Variants in LHFPL3 observed in about 807,000 individuals in gnomAD.
The protein encoded by LHFPL3 is LHFPL tetraspan subfamily member 3.
In LHFPL3, 5 loss-of-function variants were observed where a neutral mutation model predicts 19.3. The observed-to-expected ratio is 0.26, with a 90% confidence interval of 0.14 to 0.54. The LOEUF (loss-of-function observed/expected upper bound fraction) is 0.54, where lower values mean the gene tolerates loss of function less well. LHFPL3 is among the 20% of genes least tolerant of loss of function. The probability of loss-of-function intolerance (pLI) is 0.94; values close to 1 mark genes in which losing one functional copy is unlikely to be tolerated. For missense variants in LHFPL3, 249 were observed against 307.4 expected (o/e 0.81, Z 1.42); for synonymous variants, 133 against 126.2 (o/e 1.05, Z -0.36).
In LHFPL3 at chr7:104,498,769, C is replaced by T. The variant is rs111454947; in HGVS notation, c.445+169545C>T. Among the ~76,000 whole-genome samples the T allele has an allele frequency of 4.6e-5, 7 of 152,236 alleles. No individual in the cohort carries two copies. The South Asian group carries it at 8.3e-4, about 18-fold the overall frequency. On this transcript the variant is annotated intron_variant, in intron 1 of 2. Coordinates refer to ENST00000424859, the MANE Select transcript of LHFPL3 (RefSeq NM_199000.3). ...TTGGGATTATAGGTGTGAGCCACAG[C>T]GCCTAGCCAGAAACAGTTTTTAATA...
intron 1 of LHFPL3, among the ~76,000 whole-genome samples, chr7:104,343,553 C>CAAAAA (rs1790002695): frequency 3.3e-5 from 3 of 91,890 alleles, no homozygotes; most frequent in Non-Finnish European, 7.4e-5. Flanking sequence ...AAAAAAAAAG[C>CAAAAA]CAAGCTTGAA....
intron 1 of LHFPL3, among the ~76,000 whole-genome samples, chr7:104,593,111 G>A (rs552328463): frequency 6.6e-6 from 1 of 152,222 alleles, no homozygotes; most frequent in South Asian, 2.1e-4. Flanking sequence ...TGCTTCTCTA[G>A]TTGTTTTAAT....
intron 1 of LHFPL3, among the ~76,000 whole-genome samples, chr7:104,354,787 C>A (rs564914626): frequency 6.6e-6 from 1 of 152,146 alleles, no homozygotes; most frequent in African/African-American, 2.4e-5. Flanking sequence ...TGTAATTGCA[C>A]AATTTCTAGT....
chr7:104,440,423 G>T (rs967375503), intron 1 of LHFPL3, among the ~76,000 whole-genome samples: 21 of 151,494 alleles, frequency 1.4e-4, no homozygotes, highest in African/African-American at 5.1e-4. Flanking sequence ...GTGGGGTGGG[G>T]GGAGTGGGGA....
intron 2 of LHFPL3, among the ~76,000 whole-genome samples, chr7:104,860,052 C>T (rs1436475202): frequency 1.3e-5 from 2 of 152,106 alleles, no homozygotes; most frequent in Non-Finnish European, 2.9e-5. Flanking sequence ...TAAACACCTG[C>T]TTACTCACCA....
chr7:104,879,576 T>A (rs79298131), intron 2 of LHFPL3, among the ~76,000 whole-genome samples: 3 of 152,012 alleles, frequency 2.0e-5, no homozygotes, highest in Admixed American at 2.0e-4. Context: ...TTTTAAAAAA[T>A]TAGTTGGGTA....
chr7:104,591,621 T>C (rs1790725048), intron 1 of LHFPL3, among the ~76,000 whole-genome samples: 1 of 152,206 alleles, frequency 6.6e-6, no homozygotes, highest in African/African-American at 2.4e-5. Flanking sequence ...AGGAGTATCT[T>C]TGTGGCGTTC....
chr7:104,628,974 T>A (rs1048280559), intron 1 of LHFPL3, among the ~76,000 whole-genome samples: 3 of 152,204 alleles, frequency 2.0e-5, no homozygotes, highest in African/African-American at 7.2e-5. Flanking sequence ...TAACTTAAAA[T>A]GCCTTGGAAA....
At chr7:104,475,895 A>G (rs545795609) in intron 1 of LHFPL3, among the ~76,000 whole-genome samples, 34 of 152,280 alleles carry the variant, frequency 2.2e-4, no homozygotes, top group Non-Finnish European at 3.8e-4. Context: ...TTATCAAACG[A>G]TGATTTTTTT....
intron 1 of LHFPL3, among the ~76,000 whole-genome samples, chr7:104,529,268 C>A (rs1273353125): frequency 2.6e-5 from 4 of 152,164 alleles, no homozygotes; most frequent in African/African-American, 9.7e-5. Flanking sequence ...GAAAGCAAAA[C>A]AACAGACACC....
At chr7:104,644,280 CCT>C (rs1179073781) in intron 1 of LHFPL3, among the ~76,000 whole-genome samples, 1 of 152,164 alleles carries the variant, frequency 6.6e-6, no homozygotes, top group Non-Finnish European at 1.5e-5. Flanking sequence ...CTCATGCCCC[CCT>C]CCACATCCTC....
intron 2 of LHFPL3, among the ~76,000 whole-genome samples, chr7:104,905,473 A>G (rs1418528503): frequency 6.6e-6 from 1 of 152,102 alleles, no homozygotes; most frequent in African/African-American, 2.4e-5. Flanking sequence ...TGTCATCCCT[A>G]CACTCTGGGA....
At chr7:104,517,404 T>C (rs1194879493) in intron 1 of LHFPL3, among the ~76,000 whole-genome samples, 1 of 120,138 alleles carries the variant, frequency 8.3e-6, no homozygotes. Flanking sequence ...TATTAATATG[T>C]TATATTATTA....
intron 2 of LHFPL3, among the ~76,000 whole-genome samples, chr7:104,813,419 T>C (rs12667640): frequency 0.32 from 49,084 of 152,084 alleles, 8,645 homozygotes; most frequent in South Asian, 0.41. Flanking sequence ...TATGGGATCT[T>C]TGGGGTACCA....
chr7:104,709,489 C>T (rs1219039976), intron 1 of LHFPL3, among the ~76,000 whole-genome samples: 1 of 143,906 alleles, frequency 6.9e-6, no homozygotes, highest in Admixed American at 7.3e-5. Context: ...CTTGCACCAC[C>T]CTTAATCCAT....
At chr7:104,672,000 G>A (rs1792492454) in intron 1 of LHFPL3, among the ~76,000 whole-genome samples, 1 of 152,060 alleles carries the variant, frequency 6.6e-6, no homozygotes, top group Non-Finnish European at 1.5e-5. Context: ...GCAAGTAGGA[G>A]AAGGTTTATT....
chr7:104,634,365 A>G (rs1791696270), intron 1 of LHFPL3, among the ~76,000 whole-genome samples: 1 of 152,146 alleles, frequency 6.6e-6, no homozygotes, highest in Admixed American at 6.6e-5. Flanking sequence ...GTGTCCTCAC[A>G]TGGTGGAAAT....
chr7:104,418,096 G>A (rs1023807878), intron 1 of LHFPL3, among the ~76,000 whole-genome samples: 2 of 151,970 alleles, frequency 1.3e-5, no homozygotes, highest in African/African-American at 4.8e-5. Context: ...GGCTGGTCTC[G>A]AACTCCTGAC....
chr7:104,539,988 T>C (rs1180179153), intron 1 of LHFPL3, among the ~76,000 whole-genome samples: 1 of 152,238 alleles, frequency 6.6e-6, no homozygotes, highest in Admixed American at 6.5e-5. Context: ...CAGAGTGTTA[T>C]AGGAATGGGG....
Sources: allele counts gnomAD v4.1 joint callset (sites outside exome capture counted in the v4.1 genomes callset), GRCh38; gene constraint gnomAD v4.1.1; transcripts MANE v1.5; gene names NCBI Gene and HGNC (gene_info 2026-07-23, HGNC 2026-07-21).